The following KLF5 variants were observed in gnomAD, a reference collection of about 807,000 sequenced individuals.
The protein encoded by KLF5 is Krueppel-like factor 5.
A neutral mutation model predicts 36.9 loss-of-function variants in KLF5; 9 were observed. The ratio of observed to expected loss-of-function variants is 0.24; its 90% CI spans 0.15 to 0.43. The LOEUF (loss-of-function observed/expected upper bound fraction) is 0.43, where lower values mean the gene tolerates loss of function less well. Ranked by LOEUF, KLF5 falls within the 20% of genes least tolerant of loss-of-function variation. The pLI is 1.00. For synonymous variants in KLF5, 246 were observed against 241.7 expected, an observed-to-expected ratio of 1.02 and a Z score of -0.17; for missense variants, 524 against 599.5, an observed-to-expected ratio of 0.87 and a Z score of 1.31.
chr13:73,074,793 C>T (rs1021128573), intron 3 of KLF5, among the ~76,000 whole-genome samples: 1 of 152,134 alleles, frequency 6.6e-6, no homozygotes, highest in African/African-American at 2.4e-5. Flanking sequence ...CAATTTCAGA[C>T]TTTTAGATGT....
In KLF5 at chr13:73,076,474, T is replaced by G. The variant is rs1566567921; in HGVS notation, c.*588T>G. ...ATCAGCTTTATAGGTTTATTACAAGTTTTTTAGGATTCTTTTGGGGAAGAG... is the reference window on the plus strand; with the variant it reads ...ATCAGCTTTATAGGTTTATTACAAGGTTTTTAGGATTCTTTTGGGGAAGAG... On this transcript the variant is annotated 3_prime_UTR_variant, in exon 4 of 4. Coordinates refer to ENST00000377687, the MANE Select transcript of KLF5 (RefSeq NM_001730.5). The G allele has an allele frequency of 6.6e-6, 1 of 152,554 alleles. No individual in the cohort carries two copies. Among genetic ancestry groups the G allele is most frequent in the Non-Finnish European group, 1.5e-5 (1 of 68,014 alleles). The allele number at this position is 152,554 out of a possible 1,614,324, so 9.5% of individuals were successfully genotyped here. A position where few individuals can be genotyped will look rare whatever the true frequency, so the allele number is the denominator to read the frequency against.
rs1185745964 is a variant in KLF5, at chr13:73,059,033, G to A, written c.-295G>A. 1.1e-5 allele frequency: 3 copies of A among 285,148 alleles called. No individual in the cohort carries two copies. The highest frequency in any genetic ancestry group is 4.4e-5 in the African/African-American group (2 of 45,724). 17.7% of individuals were successfully genotyped at this position (285,148 alleles called of 1,614,324 possible). On this transcript the variant is annotated 5_prime_UTR_variant, in exon 1 of 4. Transcript: ENST00000377687. ...CGCGGGGCAGGTACGTGCGCTCGCG[G>A]TTCTCTCGCGGAGGTCGGCGGTGGC...
chr13:73,068,344 G>A (rs2044696412), intron 3 of KLF5, among the ~76,000 whole-genome samples: 1 of 152,144 alleles, frequency 6.6e-6, no homozygotes, highest in Admixed American at 6.5e-5. Context: ...CGTATAATCT[G>A]TACTTGAGAT....
In KLF5 at chr13:73,075,699, T is replaced by C. The variant is rs759201047; in HGVS notation, c.1196-9T>C. The C allele has an allele frequency of 1.3e-6, 2 of 1,577,100 alleles. No individual in the cohort carries two copies. Among genetic ancestry groups the C allele is most frequent in the South Asian group, 1.1e-5 (1 of 89,114 alleles). On this transcript the variant is annotated splice_polypyrimidine_tract_variant and intron_variant, in intron 3 of 3. Transcript: ENST00000377687. ...CAGGCCGCTTTACCTCCTTTGTTCG[T>C]TGTCACAGGTGAAAAGCCATACAAG...
At chr13:73,058,283 A>T (rs2044596598), upstream of KLF5, among the ~76,000 whole-genome samples, 1 of 152,218 alleles carries the variant, frequency 6.6e-6, no homozygotes. Flanking sequence ...GGGAAGTAGA[A>T]ATGTGTGGGA....
rs2044758005 is a variant in KLF5 at position 73,075,972 on chromosome 13, AAC to A, written c.*88_*89del. 4 of 1,059,590 alleles carry A rather than the reference AAC, an allele frequency of 3.8e-6. No individual in the cohort carries two copies. Among genetic ancestry groups the A allele is most frequent in the African/African-American group, 1.6e-5 (1 of 60,978 alleles). 65.6% of individuals were successfully genotyped at this position (1,059,590 alleles called of 1,614,324 possible). A position where few individuals can be genotyped will look rare whatever the true frequency, so the allele number is the denominator to read the frequency against. ...TTCCTGTGTAAAAACAACAAAAACA[AAC>A]AAAAGCAAGAAAACCACAACTAAAA... On this transcript the variant is annotated 3_prime_UTR_variant, in exon 4 of 4. Transcript: ENST00000377687.
intron 3 of KLF5, chr13:73,075,045 T>G (rs1014242879): frequency 4.6e-5 from 7 of 152,180 alleles, no homozygotes; most frequent in Admixed American, 4.6e-4. Context: ...ACTATTTTGC[T>G]TCAATCTGCA....
rs951898311 is a variant in KLF5, at chr13:73,059,091, T to TGGGGC, written c.-228_-224dup. 24 of 365,556 alleles carry TGGGGC rather than the reference T, an allele frequency of 6.6e-5. No homozygotes were observed. Among genetic ancestry groups the TGGGGC allele is most frequent in the East Asian group, 6.2e-4 (15 of 24,274 alleles). The allele number at this position is 365,556 out of a possible 1,614,324, so 22.6% of individuals were successfully genotyped here. ...GGCTCCGGAGAGCCTGAGAGCACGG[T>TGGGGC]GGGGCGGGGCGGGAGAAAGTGGCCG... On this transcript the variant is annotated 5_prime_UTR_variant, in exon 1 of 4. Transcript: ENST00000377687.
chr13:73,059,774 TGGGGGG>T, intron 1 of KLF5, 186 bp downstream of exon 1: 1 of 380,336 alleles, frequency 2.6e-6, no homozygotes, highest in Non-Finnish European at 3.3e-6. Context: ...TGAGAGTAAA[TGGGGGG>T]GGGGGCCGGG....
chr13:73,072,740 C>G (rs577218427), intron 3 of KLF5, among the ~76,000 whole-genome samples: 3 of 152,224 alleles, frequency 2.0e-5, no homozygotes, highest in East Asian at 1.9e-4. Flanking sequence ...GGTGCCTGCT[C>G]CCTTTTCCTT....
In KLF5 at chr13:73,060,140, G is replaced by A. The variant is rs185545912; in HGVS notation, c.261+552G>A. ...AGTTAGGAAAGCTAAGGTTGTGTCG[G>A]AGCGCTTATTTTTCCTTAAAAAAAA... On this transcript the variant is annotated intron_variant, in intron 1 of 3. Coordinates refer to ENST00000377687, the MANE Select transcript of KLF5 (RefSeq NM_001730.5). Among the ~76,000 whole-genome samples, 527 of 144,862 alleles carry A rather than the reference G, an allele frequency of 3.6e-3. 2 individuals are homozygous for A. The highest frequency in any genetic ancestry group is 0.012 in the African/African-American group (474 of 39,232).
chr13:73,060,221 C>T (rs1227965601), intron 1 of KLF5, among the ~76,000 whole-genome samples: 1 of 151,650 alleles, frequency 6.6e-6, no homozygotes, highest in Non-Finnish European at 1.5e-5. Flanking sequence ...TAAATTTCCT[C>T]CCGGAGCCGC....
intron 3 of KLF5, among the ~76,000 whole-genome samples, chr13:73,072,224 G>GC (rs1043588654): frequency 7.3e-5 from 11 of 151,600 alleles, no homozygotes; most frequent in Non-Finnish European, 1.6e-4. Flanking sequence ...TCATTCAGAG[G>GC]GGGGAAAAAA....
intron 3 of KLF5, among the ~76,000 whole-genome samples, chr13:73,066,293 A>G (rs543640356): frequency 1.3e-4 from 20 of 151,186 alleles, no homozygotes; most frequent in African/African-American, 4.1e-4. Flanking sequence ...GTTGTTTTTA[A>G]ATGAATGTAT....
chr13:73,058,989 G>T (rs938382877), upstream of KLF5: 1 of 201,082 alleles, frequency 5.0e-6, no homozygotes, highest in Admixed American at 6.0e-5. Context: ...AATAGAGGCG[G>T]GCGTCAAGTG....
chr13:73,059,606 C>T lies in KLF5; in HGVS notation c.261+18C>T, dbSNP rs1410750073. ...TGGTCCAGGTAGGAAGAGCCGCTCC[C>T]CTCCCACCGCAGCACTCCCGGGCTC... On this transcript the variant is annotated intron_variant, in intron 1 of 3. Transcript: ENST00000377687. The T allele has an allele frequency of 8.7e-7, 1 of 1,148,832 alleles. No individual in the cohort carries two copies. The highest frequency in any genetic ancestry group is 1.1e-6 in the Non-Finnish European group (1 of 935,140). The allele number at this position is 1,148,832 out of a possible 1,614,324, so 71.2% of individuals were successfully genotyped here. A position where few individuals can be genotyped will look rare whatever the true frequency, so the allele number is the denominator to read the frequency against.
upstream of KLF5, among the ~76,000 whole-genome samples, chr13:73,055,563 A>G (rs754734519): frequency 5.9e-5 from 9 of 151,976 alleles, no homozygotes; most frequent in Non-Finnish European, 1.3e-4. Context: ...TTTTTTTCTG[A>G]TGTGTGGCTT....
At chr13:73,074,293 A>G (rs2044743205) in intron 3 of KLF5, among the ~76,000 whole-genome samples, 1 of 152,164 alleles carries the variant, frequency 6.6e-6, no homozygotes, top group African/African-American at 2.4e-5. Flanking sequence ...CCTGAACATG[A>G]TACTGCTAAA....
At chr13:73,060,249 G>A (rs1318480219) in intron 1 of KLF5, among the ~76,000 whole-genome samples, 1 of 151,714 alleles carries the variant, frequency 6.6e-6, no homozygotes, top group Non-Finnish European at 1.5e-5. Context: ...GCTGGCAGTT[G>A]GCTTTTACAC....
Sources: gnomAD v4.1 joint callset for allele counts (sites outside exome capture counted in the v4.1 genomes callset) on GRCh38, gnomAD v4.1.1 for gene constraint, MANE v1.5 for transcripts, NCBI Gene and HGNC (gene_info 2026-07-23, HGNC 2026-07-21) for gene names.